The following PALS2 variants were observed in gnomAD, a reference collection of about 807,000 sequenced individuals.
The protein encoded by PALS2 is protein PALS2.
PALS2 carries 27 observed loss-of-function variants against 61.6 expected under a neutral mutation model. The ratio of observed to expected loss-of-function variants is 0.44; its 90% CI spans 0.32 to 0.60. PALS2 has a LOEUF of 0.60. Ranked by LOEUF, PALS2 falls within the 20% of genes least tolerant of loss-of-function variation. The pLI is 0.05. For synonymous variants in PALS2, 236 were observed against 218.6 expected (o/e 1.08, Z -0.70); for missense variants, 554 against 639.4 (o/e 0.87, Z 1.44).
chr7:24,658,920 G>A (rs936028633), intron 5 of PALS2, among the ~76,000 whole-genome samples: 2 of 152,060 alleles, frequency 1.3e-5, no homozygotes, highest in African/African-American at 2.4e-5. Flanking sequence ...GCATGTTTCT[G>A]GAGTGTAGTG....
rs762188748 is a variant in PALS2, at chr7:24,689,176, T to G, written c.*1562T>G. The G allele has an allele frequency of 4.6e-5, 7 of 152,226 alleles. No individual in the cohort carries two copies. Among genetic ancestry groups the G allele is most frequent in the African/African-American group, 1.7e-4 (7 of 41,460 alleles). 9.4% of individuals were successfully genotyped at this position (152,226 alleles called of 1,614,324 possible). On this transcript the variant is annotated 3_prime_UTR_variant, in exon 12 of 12. Coordinates refer to ENST00000222644, the MANE Select transcript of PALS2 (RefSeq NM_001303037.2). ...GTTCTCCTTTAGAAGCATTGACTTA[T>G]ACAAATTCCCACATTCACCTCAGTT...
intron 1 of PALS2, among the ~76,000 whole-genome samples, chr7:24,575,974 A>C (rs996700014): frequency 1.5e-4 from 23 of 152,034 alleles, no homozygotes; most frequent in Non-Finnish European, 2.6e-4. Context: ...TTTTTTTTTA[A>C]ATCAGAACTC....
intron 1 of PALS2, among the ~76,000 whole-genome samples, chr7:24,581,117 G>A (rs533595581): frequency 2.5e-4 from 38 of 152,274 alleles, no homozygotes; most frequent in African/African-American, 8.9e-4. Flanking sequence ...AAGAATCTAA[G>A]GGAGAACTTA....
intron 10 of PALS2, 63 bp downstream of exon 10, chr7:24,679,396 TG>T (rs1787798555): frequency 6.4e-7 from 1 of 1,550,390 alleles, no homozygotes; most frequent in South Asian, 1.2e-5. Context: ...TTTTCATGTG[TG>T]TCGGGGTTGT....
At chr7:24,613,547 T>A (rs1388205860) in intron 1 of PALS2, among the ~76,000 whole-genome samples, 2 of 151,886 alleles carry the variant, frequency 1.3e-5, no homozygotes, top group African/African-American at 4.8e-5. Context: ...CAGATCAGGA[T>A]AATTAGCATA....
chr7:24,678,994 A>G, intron 9 of PALS2, 137 bp from the exon 10 acceptor site: 2 of 665,416 alleles, frequency 3.0e-6, no homozygotes, highest in South Asian at 2.0e-5. Context: ...TACAAAAATA[A>G]GAAGCAGATC....
At chr7:24,620,475 A>T (rs929416311) in intron 1 of PALS2, among the ~76,000 whole-genome samples, 1 of 152,190 alleles carries the variant, frequency 6.6e-6, no homozygotes, top group Non-Finnish European at 1.5e-5. Flanking sequence ...CCATTTCTAG[A>T]TTAAATTCCA....
chr7:24,666,128 A>G (rs753827006), intron 8 of PALS2, 39 bp downstream of exon 8: 2 of 1,525,532 alleles, frequency 1.3e-6, no homozygotes, highest in Non-Finnish European at 9.1e-7. Context: ...CAAGTGAAGT[A>G]GCTATATGTC....
At chr7:24,652,142 C>T (rs1007249485) in intron 5 of PALS2, among the ~76,000 whole-genome samples, 1 of 152,082 alleles carries the variant, frequency 6.6e-6, no homozygotes, top group African/African-American at 2.4e-5. Context: ...CTTGGACCTG[C>T]GTACGCTGGA....
Position 24,668,519 on chromosome 7 carries a change from C to T in PALS2, c.973C>T (p.Gln325Ter). The change falls in exon 9 of 12, where the codon CAG becomes TAG. Residue 325 changes from glutamine (Q) to a stop codon, truncating the protein, a stop_gained. Coordinates refer to ENST00000222644, the MANE Select transcript of PALS2 (RefSeq NM_001303037.2). LOFTEE classifies it high-confidence loss of function. ...TTTAGAATTTGATCGTCATGAAATC[C>T]AGATATATGAGGAGGTAGCCAAAAT... ...RNAEFDRHEI[Q>*]IYEEVAKMPP... 1 of 1,612,252 alleles carries T rather than the reference C, an allele frequency of 6.2e-7. No individual in the cohort carries two copies. Among genetic ancestry groups the T allele is most frequent in the Non-Finnish European group, 8.5e-7 (1 of 1,179,254 alleles).
rs1336978138 is a variant in PALS2, at chr7:24,584,467, G to C, written c.-3+10874G>C. On this transcript the variant is annotated intron_variant, in intron 1 of 11. Coordinates refer to ENST00000222644, the MANE Select transcript of PALS2 (RefSeq NM_001303037.2). ...TGGCTGCATAAATGTCTTCTTTTGAGAAGTGTCTGTTCATGTCCTTCGCCC... is the reference window on the plus strand; with the variant it reads ...TGGCTGCATAAATGTCTTCTTTTGACAAGTGTCTGTTCATGTCCTTCGCCC... Among the ~76,000 whole-genome samples the C allele has an allele frequency of 3.6e-4, 54 of 148,882 alleles. 1 individual carries two copies. The highest frequency in any genetic ancestry group is 3.5e-3 in the Middle Eastern group (1 of 284).
Position 24,649,793 on chromosome 7 carries a change from A to G in PALS2, c.423+29A>G, listed in dbSNP as rs926740066. 3 of 1,506,720 alleles carry G rather than the reference A, an allele frequency of 2.0e-6. No homozygotes were observed. The African/African-American group carries it at 4.3e-5, about 21-fold the overall frequency. The allele number at this position is 1,506,720 out of a possible 1,614,324, so 93.3% of individuals were successfully genotyped here. A position where few individuals can be genotyped will look rare whatever the true frequency, so the allele number is the denominator to read the frequency against. Reference sequence around the variant, plus strand: ...AGTACAGATAAATCAGTACCCTATTAAATCTGAAATATGACATAATTTGTG... The same window carrying G: ...AGTACAGATAAATCAGTACCCTATTGAATCTGAAATATGACATAATTTGTG... On this transcript the variant is annotated intron_variant, in intron 4 of 11. Transcript: ENST00000222644.
chr7:24,609,518 G>A (rs1784039312), intron 1 of PALS2, among the ~76,000 whole-genome samples: 1 of 152,134 alleles, frequency 6.6e-6, no homozygotes, highest in Non-Finnish European at 1.5e-5. Flanking sequence ...ACTTTTGGTT[G>A]TTATAACACC....
At chr7:24,674,009 A>G (rs1346173394) in intron 9 of PALS2, among the ~76,000 whole-genome samples, 1 of 151,882 alleles carries the variant, frequency 6.6e-6, no homozygotes, top group Non-Finnish European at 1.5e-5. Context: ...TTTTATATAT[A>G]TATATAAATA....
intron 2 of PALS2, among the ~76,000 whole-genome samples, chr7:24,641,114 C>G (rs1007716523): frequency 1.3e-5 from 2 of 149,004 alleles, no homozygotes; most frequent in African/African-American, 5.0e-5. Context: ...AACAACTTTA[C>G]TTATAAAGAC....
chr7:24,687,865 A>G lies in PALS2; in HGVS notation c.*251A>G. On this transcript the variant is annotated 3_prime_UTR_variant, in exon 12 of 12. Transcript: ENST00000222644. The surrounding 1 kb of genome is among the most constrained non-coding windows in gnomAD (Gnocchi z 4.5). ...ATCTTTCTATTCATATCACATAAAG[A>G]AATGCGTTGAAGCATTTTGTATATG... is the stretch of plus-strand genomic sequence containing the variant. 3.3e-6 allele frequency: 1 copy of G among 300,818 alleles called. No homozygotes were observed. The highest frequency in any genetic ancestry group is 6.0e-6 in the Non-Finnish European group (1 of 166,934). The allele number at this position is 300,818 out of a possible 1,614,324, so 18.6% of individuals were successfully genotyped here. A position where few individuals can be genotyped will look rare whatever the true frequency, so the allele number is the denominator to read the frequency against.
intron 5 of PALS2, 34 bp downstream of exon 5, chr7:24,650,746 A>G (rs1301693968): frequency 1.5e-6 from 2 of 1,346,902 alleles, no homozygotes; most frequent in Non-Finnish European, 2.0e-6. Context: ...TATTAAAAAT[A>G]CTTTCATGTT....
intron 1 of PALS2, among the ~76,000 whole-genome samples, chr7:24,590,352 C>G (rs908544031): frequency 2.4e-4 from 36 of 152,008 alleles, no homozygotes; most frequent in Admixed American, 2.4e-3. Flanking sequence ...GGAGGAAATT[C>G]TGTGCAGCCC....
chr7:24,620,623 T>G (rs1784462450), intron 1 of PALS2, among the ~76,000 whole-genome samples: 1 of 152,104 alleles, frequency 6.6e-6, no homozygotes, highest in Admixed American at 6.5e-5. Flanking sequence ...ATACAGAAGG[T>G]ACATTTTTTA....
Sources: allele counts gnomAD v4.1 joint callset (sites outside exome capture counted in the v4.1 genomes callset), GRCh38; gene constraint gnomAD v4.1.1; non-coding constraint Gnocchi (gnomAD v3.1); transcripts MANE v1.5; gene names NCBI Gene and HGNC (gene_info 2026-07-23, HGNC 2026-07-21).